The following NTM variants were observed in gnomAD, a reference collection of about 807,000 sequenced individuals.
NTM encodes neurotrimin, also known as IgLON family member 2.
In NTM, 13 loss-of-function variants were observed where a neutral mutation model predicts 42.1. That is an observed-to-expected ratio of 0.31 (90% confidence interval 0.20 to 0.49). The LOEUF (loss-of-function observed/expected upper bound fraction) is 0.49. Ranked by LOEUF, NTM falls within the 20% of genes least tolerant of loss-of-function variation. The pLI is 0.99. For synonymous variants in NTM, 187 were observed against 179.2 expected, an observed-to-expected ratio of 1.04 and a Z score of -0.35; for missense variants, 373 against 452.8, an observed-to-expected ratio of 0.82 and a Z score of 1.60.
At chr11:132,327,818 C>T (rs2095714719) in intron 7 of NTM, among the ~76,000 whole-genome samples, 2 of 148,248 alleles carry the variant, frequency 1.3e-5, no homozygotes, top group Non-Finnish European at 3.0e-5. Flanking sequence ...TTCCTGTCTC[C>T]CTCCCTCCCT....
rs183700808 is a variant in NTM at position 132,259,633 on chromosome 11, T to A, written c.526+47486T>A. Among the ~76,000 whole-genome samples, 107 of 152,140 alleles carry A rather than the reference T, an allele frequency of 7.0e-4. 3 individuals are homozygous for A. The East Asian group carries it at 0.02, about 29-fold the overall frequency. On this transcript the variant is annotated intron_variant, in intron 4 of 8. Coordinates refer to ENST00000683400, the MANE Select transcript of NTM (RefSeq NM_001352005.2). ...AGGCAGAGGTTTCAGTGAGCTGAGA[T>A]TGCGCCACTGCACTCCAGCCTGGGC...
chr11:132,134,741 A>C (rs1270743864), intron 2 of NTM, among the ~76,000 whole-genome samples: 16 of 86,372 alleles, frequency 1.9e-4, no homozygotes, highest in Middle Eastern at 5.7e-3. Context: ...ATATATATAT[A>C]TATATATATA....
chr11:132,307,845 C>T (rs776674294), intron 5 of NTM, 22 bp downstream of exon 5: 16 of 1,610,946 alleles, frequency 9.9e-6, no homozygotes, highest in East Asian at 6.7e-5. Flanking sequence ...CACCACCACG[C>T]GCCCTGCACG....
At chr11:131,854,829 G>A (rs1379602010) in intron 1 of NTM, among the ~76,000 whole-genome samples, 1 of 152,220 alleles carries the variant, frequency 6.6e-6, no homozygotes, top group Non-Finnish European at 1.5e-5. Flanking sequence ...ACTGGGTGCT[G>A]CAGGTAACTT....
chr11:131,510,415 G>A (rs1283048291), intron 1 of NTM, among the ~76,000 whole-genome samples: 1 of 152,112 alleles, frequency 6.6e-6, no homozygotes, highest in Non-Finnish European at 1.5e-5. Context: ...ATGGAGAGTG[G>A]ATGGGTCTGC....
intron 1 of NTM, among the ~76,000 whole-genome samples, chr11:131,851,141 G>A (rs960027199): frequency 3.3e-5 from 5 of 152,084 alleles, no homozygotes; most frequent in Non-Finnish European, 7.3e-5. Flanking sequence ...ATGAGTTCAG[G>A]TCATATATAA....
intron 7 of NTM, among the ~76,000 whole-genome samples, chr11:132,318,783 C>T (rs2095494131): frequency 6.6e-6 from 1 of 152,188 alleles, no homozygotes; most frequent in African/African-American, 2.4e-5. Flanking sequence ...CCACCTCACC[C>T]CACCCTGTTC....
At chr11:131,916,623 C>T (rs1049539605) in intron 2 of NTM, among the ~76,000 whole-genome samples, 1 of 152,174 alleles carries the variant, frequency 6.6e-6, no homozygotes, top group Admixed American at 6.5e-5. Flanking sequence ...CGGCACTTTG[C>T]TCATGTCATG....
At chr11:131,864,983 G>A (rs143640744) in intron 1 of NTM, among the ~76,000 whole-genome samples, 2 of 152,320 alleles carry the variant, frequency 1.3e-5, no homozygotes, top group African/African-American at 4.8e-5. Flanking sequence ...CTCCCGCACC[G>A]GCCCAGTGGG....
chr11:132,320,576 C>G (rs1219071298), intron 7 of NTM, among the ~76,000 whole-genome samples: 1 of 152,186 alleles, frequency 6.6e-6, no homozygotes, highest in Non-Finnish European at 1.5e-5. Flanking sequence ...CATCAAACTG[C>G]AAGGTGGCAG....
intron 1 of NTM, among the ~76,000 whole-genome samples, chr11:131,670,327 T>A (rs1164427657): frequency 6.6e-6 from 1 of 152,116 alleles, no homozygotes; most frequent in Non-Finnish European, 1.5e-5. Flanking sequence ...TTTCCTTTCT[T>A]TCTTTCTTTC....
chr11:131,489,623 A>T (rs2136286579), intron 1 of NTM, among the ~76,000 whole-genome samples: 1 of 152,300 alleles, frequency 6.6e-6, no homozygotes, highest in Non-Finnish European at 1.5e-5. Flanking sequence ...GAAGGCCCAT[A>T]TTTTGTGAAT....
chr11:131,453,534 C>G (rs1565516268), intron 1 of NTM, among the ~76,000 whole-genome samples: 1 of 125,572 alleles, frequency 8.0e-6, no homozygotes, highest in Non-Finnish European at 1.7e-5. Context: ...AACGGAAAGA[C>G]TTTCATTAAA....
chr11:132,252,551 C>T (rs964811958), intron 4 of NTM, among the ~76,000 whole-genome samples: 1 of 152,140 alleles, frequency 6.6e-6, no homozygotes, highest in Non-Finnish European at 1.5e-5. Context: ...CAGTGTTGGA[C>T]AGAGGCACCT....
intron 1 of NTM, among the ~76,000 whole-genome samples, chr11:131,404,417 T>C (rs1178398200): frequency 6.6e-6 from 1 of 152,154 alleles, no homozygotes; most frequent in Non-Finnish European, 1.5e-5. Flanking sequence ...TAAACCCTAC[T>C]CTGTTTCTTT....
intron 1 of NTM, among the ~76,000 whole-genome samples, chr11:131,703,756 C>G (rs962391903): frequency 6.6e-6 from 1 of 152,214 alleles, no homozygotes; most frequent in African/African-American, 2.4e-5. Context: ...CCAAACGTCA[C>G]TCAGCCTAGT....
At chr11:131,890,174 C>CTCTT (rs1565684706) in intron 1 of NTM, among the ~76,000 whole-genome samples, 16 of 150,408 alleles carry the variant, frequency 1.1e-4, no homozygotes, top group African/African-American at 3.7e-4. Context: ...CTCTCTCTCT[C>CTCTT]TCTGTCTCTC....
At chr11:131,802,384 C>T (rs2092192029) in intron 1 of NTM, among the ~76,000 whole-genome samples, 1 of 152,208 alleles carries the variant, frequency 6.6e-6, no homozygotes, top group South Asian at 2.1e-4. Flanking sequence ...TTATCTGCTG[C>T]CATTTACTCT....
chr11:131,808,530 C>A (rs1304124353), intron 1 of NTM, among the ~76,000 whole-genome samples: 1 of 152,150 alleles, frequency 6.6e-6, no homozygotes, highest in Non-Finnish European at 1.5e-5. Flanking sequence ...TAAGTTCAAT[C>A]AAAATTTAAA....
Sources: gnomAD v4.1 joint callset for allele counts (sites outside exome capture counted in the v4.1 genomes callset) on GRCh38, gnomAD v4.1.1 for gene constraint, MANE v1.5 for transcripts, NCBI Gene and HGNC (gene_info 2026-07-23, HGNC 2026-07-21) for gene names.